Variants in PLXNA4 observed in about 807,000 individuals in gnomAD.
The protein encoded by PLXNA4 is plexin-A4.
Under a neutral mutation model 191.8 loss-of-function variants are expected in PLXNA4, and 44 were observed. The observed-to-expected ratio is 0.23, with a 90% CI of 0.18 to 0.29. PLXNA4 has a LOEUF of 0.29. Among genes scored for constraint, PLXNA4 ranks in the 10% least tolerant of loss-of-function variants. PLXNA4 has a pLI of 1.00. For missense variants in PLXNA4, 1,800 were observed against 2,488.8 expected, an observed-to-expected ratio of 0.72 and a Z score of 5.89; for synonymous variants, 1,082 against 1,009.5, an observed-to-expected ratio of 1.07 and a Z score of -1.36.
chr7:132,485,895 T>A (rs1236956590), intron 3 of PLXNA4, among the ~76,000 whole-genome samples: 1 of 152,104 alleles, frequency 6.6e-6, no homozygotes, highest in Non-Finnish European at 1.5e-5. Flanking sequence ...ATTACGGTCG[T>A]CAAAGACAAG....
intron 3 of PLXNA4, among the ~76,000 whole-genome samples, chr7:132,377,581 G>A (rs771394495): frequency 2.6e-5 from 4 of 152,110 alleles, no homozygotes; most frequent in Admixed American, 1.3e-4. Flanking sequence ...CACAGAAGAT[G>A]GGGTACCACA....
Position 132,489,268 on chromosome 7 carries a change from A to C in PLXNA4, c.1371+24T>G, listed in dbSNP as rs771732612. On this transcript the variant is annotated intron_variant, in intron 3 of 31. Coordinates refer to ENST00000321063, the MANE Select transcript of PLXNA4 (RefSeq NM_020911.2). The stretch of plus-strand genomic sequence containing the variant: ...GGGACAGACTGTCTTCACAGTAACC[A>C]AAAGTACTGCACCTCATTCCTACCT... 1.5e-5 allele frequency: 23 copies of C among 1,566,214 alleles called. No individual in the cohort carries two copies. In the South Asian group the frequency reaches 2.1e-4, roughly 14 times the overall value.
At position 132,252,315 on chromosome 7, in the gene PLXNA4, T is replaced by G. The variant is rs865809809; in HGVS notation, c.1504-11149A>C. Among the ~76,000 whole-genome samples the G allele has an allele frequency of 5.4e-3, 655 of 122,186 alleles. 7 individuals are homozygous for G. Among genetic ancestry groups the G allele is most frequent in the African/African-American group, 0.021 (631 of 29,502 alleles). The allele number at this position is 122,186 out of a possible 152,430, so 80.2% of individuals were successfully genotyped here. On this transcript the variant is annotated intron_variant, in intron 4 of 31. Transcript: ENST00000321063. ...ATTCTAAAAGTTTTTTTTTTTTTTT[T>G]TTTTTTTTTTTTTTGAGATGGAGTC...
chr7:132,125,508 TA>T lies in PLXNA4; in HGVS notation c.*4970del, dbSNP rs1794743551. ...TCCCACTAACCGAGTAATTTGGACT[TA>T]ACATCCATAGCAGGGCTCCCTTCTT... is the stretch of plus-strand genomic sequence containing the variant. On this transcript the variant is annotated 3_prime_UTR_variant, in exon 32 of 32. Transcript: ENST00000321063. The T allele has an allele frequency of 6.6e-6, 1 of 152,044 alleles. No individual in the cohort carries two copies. The highest frequency in any genetic ancestry group is 2.4e-5 in the African/African-American group (1 of 41,406). 9.4% of individuals were successfully genotyped at this position (152,044 alleles called of 1,614,324 possible).
intron 5 of PLXNA4, 104 bp from the exon 6 acceptor site, chr7:132,228,573 A>G (rs1798414859): frequency 6.9e-7 from 1 of 1,448,164 alleles, no homozygotes. Context: ...GATGTGTCCA[A>G]ACTCAATGCG....
chr7:132,136,162 G>A (rs1003770413), intron 30 of PLXNA4, among the ~76,000 whole-genome samples: 8 of 152,108 alleles, frequency 5.3e-5, no homozygotes, highest in Non-Finnish European at 1.0e-4. Flanking sequence ...TGACTCATGC[G>A]GCACTACCTC....
intron 19 of PLXNA4, 24 bp from the exon 20 acceptor site, chr7:132,179,945 G>A: frequency 4.4e-6 from 7 of 1,585,924 alleles, no homozygotes; most frequent in Non-Finnish European, 6.0e-6. Context: ...GGGCAAGAGG[G>A]AGCTGGGTGT....
chr7:132,203,208 G>T, intron 11 of PLXNA4, 115 bp downstream of exon 11: 1 of 907,098 alleles, frequency 1.1e-6, no homozygotes, highest in South Asian at 1.5e-5. Context: ...GAGGGAGAGG[G>T]ACAGCCACTA....
chr7:132,645,775 G>A (rs935220654), intron 2 of PLXNA4, among the ~76,000 whole-genome samples: 6 of 152,190 alleles, frequency 3.9e-5, no homozygotes, highest in South Asian at 2.1e-4. Flanking sequence ...ATGGGCACAC[G>A]TAAGGTGGCA....
intron 2 of PLXNA4, among the ~76,000 whole-genome samples, chr7:132,629,425 C>A (rs1407637510): frequency 6.6e-6 from 1 of 152,128 alleles, no homozygotes; most frequent in African/African-American, 2.4e-5. Flanking sequence ...ATGCTGAGTG[C>A]ACATTAATCT....
At chr7:132,458,243 T>C (rs1796379651) in intron 3 of PLXNA4, among the ~76,000 whole-genome samples, 1 of 151,908 alleles carries the variant, frequency 6.6e-6, no homozygotes, top group South Asian at 2.1e-4. Context: ...TAGAATTATC[T>C]AGTATATGCT....
chr7:132,541,576 A>G (rs748298913), intron 1 of PLXNA4, among the ~76,000 whole-genome samples: 43 of 152,236 alleles, frequency 2.8e-4, no homozygotes, highest in Non-Finnish European at 2.6e-4. Flanking sequence ...TCCTTTTGAC[A>G]TCCACATAGG....
At chr7:132,442,097 A>G (rs1371916325) in intron 3 of PLXNA4, among the ~76,000 whole-genome samples, 1 of 152,232 alleles carries the variant, frequency 6.6e-6, no homozygotes, top group African/African-American at 2.4e-5. Context: ...AGGAGCCCCA[A>G]GCCCTTAATG....
chr7:132,435,197 G>A (rs1389712720), intron 3 of PLXNA4, among the ~76,000 whole-genome samples: 2 of 152,092 alleles, frequency 1.3e-5, no homozygotes, highest in Non-Finnish European at 2.9e-5. Context: ...AGCCGGCTGA[G>A]ATCTGCAGTC....
chr7:132,143,499 A>G (rs1434429398), intron 29 of PLXNA4, among the ~76,000 whole-genome samples: 1 of 152,192 alleles, frequency 6.6e-6, no homozygotes, highest in Non-Finnish European at 1.5e-5. Flanking sequence ...GTTTAGAAAG[A>G]CCCAACTTTC....
At chr7:132,331,225 C>T (rs753466295) in intron 3 of PLXNA4, among the ~76,000 whole-genome samples, 1 of 152,228 alleles carries the variant, frequency 6.6e-6, no homozygotes, top group Admixed American at 6.5e-5. Flanking sequence ...ATGGGCTCAG[C>T]TGAGAGCAGG....
chr7:132,241,041 G>A (rs755365425), intron 5 of PLXNA4, 25 bp downstream of exon 5: 14 of 1,544,996 alleles, frequency 9.1e-6, no homozygotes, highest in South Asian at 5.9e-5. Context: ...TGGGAGGCAC[G>A]AGGCAGCCTC....
At position 132,459,651 on chromosome 7, in the gene PLXNA4, G is replaced by A. The variant is rs1245184295; in HGVS notation, c.1371+29641C>T. On this transcript the variant is annotated intron_variant, in intron 3 of 31. Coordinates refer to ENST00000321063, the MANE Select transcript of PLXNA4 (RefSeq NM_020911.2). ...CATGGGCAGCATTTTAGCAAATCTG[G>A]GCTTGTTTCAACACCAGCCCAAGCA... is the stretch of plus-strand genomic sequence containing the variant. Among the ~76,000 whole-genome samples the A allele has an allele frequency of 2.6e-5, 4 of 152,158 alleles. No homozygotes were observed. In the East Asian group the frequency reaches 7.7e-4, roughly 29 times the overall value.
intron 3 of PLXNA4, among the ~76,000 whole-genome samples, chr7:132,486,330 AG>A (rs1585206961): frequency 6.6e-6 from 1 of 152,230 alleles, no homozygotes; most frequent in East Asian, 1.9e-4. Context: ...TTACAAGGAA[AG>A]GGGAGTGGTG....
Sources: allele counts gnomAD v4.1 joint callset (sites outside exome capture counted in the v4.1 genomes callset), GRCh38; gene constraint gnomAD v4.1.1; transcripts MANE v1.5; gene names NCBI Gene and HGNC (gene_info 2026-07-23, HGNC 2026-07-21).